Variants in STPG2 observed in about 807,000 individuals in gnomAD.
STPG2 encodes sperm tail PG-rich repeat containing 2.
Under a neutral mutation model 54.2 loss-of-function variants are expected in STPG2, and 56 were observed. That is an observed-to-expected ratio of 1.03 (90% confidence interval 0.83 to 1.29). STPG2 has a LOEUF of 1.29. Ranked by LOEUF, STPG2 falls within the 50% of genes most tolerant of loss-of-function variation. STPG2 has a pLI of 0.00. For synonymous variants in STPG2, 200 were observed against 181.8 expected (o/e 1.10, Z -0.81); for missense variants, 596 against 544.9 (o/e 1.09, Z -0.93).
intron 1 of STPG2, among the ~76,000 whole-genome samples, chr4:98,138,010 G>A (rs553523584): frequency 6.6e-6 from 1 of 151,952 alleles, no homozygotes; most frequent in African/African-American, 2.4e-5. Flanking sequence ...ATTCATAGCT[G>A]TGTGCCTAAT....
chr4:97,816,726 C>T (rs369032702), intron 9 of STPG2, among the ~76,000 whole-genome samples: 19 of 150,482 alleles, frequency 1.3e-4, no homozygotes, highest in East Asian at 5.9e-4. Flanking sequence ...TCCTTCCTCC[C>T]TCCCTCTCTT....
At chr4:97,575,921 A>G (rs1732711122) in intron 10 of STPG2, among the ~76,000 whole-genome samples, 1 of 152,190 alleles carries the variant, frequency 6.6e-6, no homozygotes, top group Non-Finnish European at 1.5e-5. Flanking sequence ...GTAAAGTACT[A>G]GCACACAAAA....
At chr4:97,837,580 C>T (rs1346436654) in intron 9 of STPG2, among the ~76,000 whole-genome samples, 1 of 151,448 alleles carries the variant, frequency 6.6e-6, no homozygotes, top group East Asian at 1.9e-4. Flanking sequence ...TGTGATAAGC[C>T]TCATTTAATT....
chr4:97,841,994 AT>A (rs2149122618), intron 8 of STPG2, among the ~76,000 whole-genome samples: 1 of 152,012 alleles, frequency 6.6e-6, no homozygotes, highest in South Asian at 2.1e-4. Context: ...ACAGGGAAGT[AT>A]TTTAAAGTTT....
chr4:97,563,148 ACTT>A (rs1221139595), intron 10 of STPG2, among the ~76,000 whole-genome samples: 1 of 152,084 alleles, frequency 6.6e-6, no homozygotes, highest in Non-Finnish European at 1.5e-5. Context: ...CAGAGAGGCA[ACTT>A]CTTCCTGATT....
chr4:97,792,437 C>T (rs960134626), intron 9 of STPG2, among the ~76,000 whole-genome samples: 28 of 152,150 alleles, frequency 1.8e-4, no homozygotes, highest in Non-Finnish European at 2.8e-4. Flanking sequence ...AAAATACTGA[C>T]TGTAACACTT....
At chr4:97,612,277 A>G (rs539274282) in intron 10 of STPG2, among the ~76,000 whole-genome samples, 1 of 151,862 alleles carries the variant, frequency 6.6e-6, no homozygotes, top group African/African-American at 2.4e-5. Flanking sequence ...AAAACACAAC[A>G]TGCACACAAA....
intron 5 of STPG2, among the ~76,000 whole-genome samples, chr4:98,085,369 T>A (rs1738474107): frequency 6.6e-6 from 1 of 152,088 alleles, no homozygotes; most frequent in South Asian, 2.1e-4. Flanking sequence ...GTAGTATAAA[T>A]CTGCCACCTT....
intron 9 of STPG2, among the ~76,000 whole-genome samples, chr4:97,801,387 T>C: frequency 6.6e-6 from 1 of 152,192 alleles, no homozygotes; most frequent in East Asian, 1.9e-4. Context: ...CTTCCCTTCC[T>C]ACTTCCCCTT....
chr4:97,788,396 G>T (rs1252888563), intron 9 of STPG2, among the ~76,000 whole-genome samples: 2 of 152,046 alleles, frequency 1.3e-5, no homozygotes, highest in Non-Finnish European at 2.9e-5. Context: ...TGTTGCAAAT[G>T]ACAAGATCTC....
intron 9 of STPG2, among the ~76,000 whole-genome samples, chr4:97,761,377 G>A (rs900457428): frequency 6.6e-6 from 1 of 152,052 alleles, no homozygotes; most frequent in Non-Finnish European, 1.5e-5. Context: ...TGATGATGGA[G>A]GCAGAGATGA....
At chr4:97,556,012 G>A (rs1732069019), downstream of STPG2, among the ~76,000 whole-genome samples, 1 of 151,962 alleles carries the variant, frequency 6.6e-6, no homozygotes, top group Non-Finnish European at 1.5e-5. Flanking sequence ...GCATTAGAAG[G>A]CATAAAAGAA....
intron 5 of STPG2, among the ~76,000 whole-genome samples, chr4:98,058,839 T>A (rs1276880678): frequency 6.6e-6 from 1 of 151,718 alleles, no homozygotes; most frequent in Non-Finnish European, 1.5e-5. Context: ...CTCAGCAAGT[T>A]CAGAAAAACC....
At position 97,491,464 on chromosome 4, in the gene STPG2, G is replaced by A. The variant is rs924382671; in HGVS notation, c.462+221235C>T. ...GTGCCAGACTTACAGAAATGCAGAAGACATAGTAGAGAGTATCAAAAAGGG... is the reference window on the plus strand; with the variant it reads ...GTGCCAGACTTACAGAAATGCAGAAAACATAGTAGAGAGTATCAAAAAGGG... On this transcript the variant is annotated intron_variant, in intron 4 of 4. Transcript: ENST00000522676. Among the ~76,000 whole-genome samples the A allele has an allele frequency of 2.0e-5, 3 of 151,398 alleles. No individual in the cohort carries two copies. In the East Asian group the frequency reaches 5.9e-4, roughly 30 times the overall value.
At chr4:97,755,427 T>C (rs1374336496) in intron 9 of STPG2, among the ~76,000 whole-genome samples, 1 of 152,236 alleles carries the variant, frequency 6.6e-6, no homozygotes, top group Non-Finnish European at 1.5e-5. Flanking sequence ...AATTCATCCA[T>C]GTTCTGCAAC....
intron 9 of STPG2, among the ~76,000 whole-genome samples, chr4:97,726,852 C>T (rs936580590): frequency 2.6e-5 from 4 of 151,742 alleles, no homozygotes; most frequent in African/African-American, 9.7e-5. Context: ...TACACACACA[C>T]ACACACACAC....
chr4:97,949,299 T>C (rs183057938), intron 7 of STPG2, among the ~76,000 whole-genome samples: 1 of 152,138 alleles, frequency 6.6e-6, no homozygotes, highest in Non-Finnish European at 1.5e-5. Flanking sequence ...ACCTTGAGTT[T>C]ATATAAATCC....
chr4:97,985,375 T>G (rs1052846250), intron 5 of STPG2, among the ~76,000 whole-genome samples: 13 of 152,192 alleles, frequency 8.5e-5, no homozygotes, highest in African/African-American at 3.1e-4. Flanking sequence ...CCTCAGATGT[T>G]TTTAATATGC....
At chr4:97,939,295 G>A (rs1732886612) in intron 8 of STPG2, among the ~76,000 whole-genome samples, 2 of 141,572 alleles carry the variant, frequency 1.4e-5, no homozygotes, top group Admixed American at 1.5e-4. Context: ...TCTTGTTTGG[G>A]GGTGGAGAGT....
Sources: allele counts gnomAD v4.1 joint callset (sites outside exome capture counted in the v4.1 genomes callset), GRCh38; gene constraint gnomAD v4.1.1; transcripts MANE v1.5; gene names NCBI Gene and HGNC (gene_info 2026-07-23, HGNC 2026-07-21).